SNX29: variants seen among roughly 807,000 people sequenced by gnomAD.
SNX29 encodes sorting nexin-29.
Under a neutral mutation model 102.1 loss-of-function variants are expected in SNX29, and 78 were observed. The observed-to-expected ratio is 0.76, with a 90% CI of 0.64 to 0.92. The LOEUF is 0.92. SNX29 is among the 40% of genes least tolerant of loss of function. The pLI is 0.00. For synonymous variants in SNX29, 580 were observed against 414.5 expected, an observed-to-expected ratio of 1.40 and a Z score of -4.85; for missense variants, 1,280 against 1,061.7, an observed-to-expected ratio of 1.21 and a Z score of -2.86.
chr16:12,003,019 A>G lies in SNX29; in HGVS notation c.98A>G (p.Glu33Gly), dbSNP rs1286848419. The G allele has an allele frequency of 1.2e-6, 2 of 1,614,050 alleles. No homozygotes were observed. Among genetic ancestry groups the G allele is most frequent in the African/African-American group, 2.7e-5 (2 of 74,920 alleles). ...QCQIRFGGRK[E>G]IASDSDSRVT... The stretch of plus-strand genomic sequence containing the variant: ...CAGATCCGCTTTGGAGGGAGAAAGG[A>G]GATTGCCTCGGATTCCGACAGCAGG... Residue 33 changes from glutamate to glycine, a missense_variant, in exon 3 of 21, where the codon GAG becomes GGG. By Grantham distance (98) the Glu-to-Gly change is moderately conservative. Transcript: ENST00000566228.
At chr16:12,500,254 T>C (rs2089049252) in intron 19 of SNX29, among the ~76,000 whole-genome samples, 1 of 152,172 alleles carries the variant, frequency 6.6e-6, no homozygotes, top group Non-Finnish European at 1.5e-5. Context: ...TGCCTCAGTC[T>C]CCCAAAGTGC....
At chr16:12,553,598 C>G (rs141727172) in intron 20 of SNX29, among the ~76,000 whole-genome samples, 2 of 121,174 alleles carry the variant, frequency 1.7e-5, no homozygotes, top group Admixed American at 1.9e-4. Flanking sequence ...TCCCCACCCC[C>G]CACCCCTGCA....
chr16:12,543,894 C>G (rs142545963), intron 20 of SNX29, among the ~76,000 whole-genome samples: 7 of 152,298 alleles, frequency 4.6e-5, no homozygotes, highest in Admixed American at 2.0e-4. Context: ...CTTGCGTATT[C>G]CTTCATCCTG....
chr16:12,522,616 A>G (rs117661505), intron 19 of SNX29, among the ~76,000 whole-genome samples: 2,290 of 152,064 alleles, frequency 0.015, 56 homozygotes, highest in East Asian at 0.099. Flanking sequence ...GTTTAAAAGT[A>G]TGTGGCACCT....
chr16:12,321,398 C>T (rs964061214), intron 15 of SNX29, among the ~76,000 whole-genome samples: 1 of 152,202 alleles, frequency 6.6e-6, no homozygotes, highest in South Asian at 2.1e-4. Context: ...GAATTTAGCC[C>T]CCACACTTCC....
chr16:12,403,993 C>G (rs1360515108), intron 18 of SNX29, among the ~76,000 whole-genome samples: 1 of 152,170 alleles, frequency 6.6e-6, no homozygotes, highest in East Asian at 1.9e-4. Flanking sequence ...GCGGGTCTCA[C>G]TGGTGTGTCC....
chr16:12,222,914 C>A (rs146834875), intron 14 of SNX29, among the ~76,000 whole-genome samples: 53 of 152,292 alleles, frequency 3.5e-4, no homozygotes, highest in African/African-American at 1.2e-3. Context: ...CCCTTTGAGG[C>A]CACAGGTGTA....
chr16:12,426,236 C>T (rs1414591872), intron 18 of SNX29, among the ~76,000 whole-genome samples: 2 of 152,182 alleles, frequency 1.3e-5, no homozygotes, highest in South Asian at 2.1e-4. Context: ...TCATGCCACA[C>T]ATCCATCATG....
At chr16:12,104,155 C>A (rs1387705078) in intron 11 of SNX29, among the ~76,000 whole-genome samples, 1 of 152,158 alleles carries the variant, frequency 6.6e-6, no homozygotes, top group Non-Finnish European at 1.5e-5. Flanking sequence ...GTTTGAAAAT[C>A]AAGGCATAGT....
chr16:12,567,249 C>T (rs568346489), intron 20 of SNX29, among the ~76,000 whole-genome samples: 1 of 152,168 alleles, frequency 6.6e-6, no homozygotes, highest in African/African-American at 2.4e-5. Flanking sequence ...GGACACAGTC[C>T]TGTCTTCCCT....
At chr16:12,525,697 C>G (rs7198677) in intron 20 of SNX29, among the ~76,000 whole-genome samples, 2 of 108,120 alleles carry the variant, frequency 1.8e-5, no homozygotes, top group African/African-American at 7.9e-5. Flanking sequence ...ACGCCCCCCC[C>G]ACCCCCCCCC....
At chr16:12,408,858 G>C (rs2084280399) in intron 18 of SNX29, among the ~76,000 whole-genome samples, 1 of 152,174 alleles carries the variant, frequency 6.6e-6, no homozygotes, top group Non-Finnish European at 1.5e-5. Context: ...AGAAATTAAG[G>C]TAATTCCCCT....
intron 20 of SNX29, chr16:12,561,255 C>A (rs780428915): frequency 2.0e-4 from 46 of 230,184 alleles, no homozygotes; most frequent in Admixed American, 9.6e-4. Flanking sequence ...CCCTCCCACT[C>A]CACAGATCCA....
At chr16:12,211,383 G>A (rs1727518966) in intron 14 of SNX29, among the ~76,000 whole-genome samples, 3 of 152,228 alleles carry the variant, frequency 2.0e-5, no homozygotes, top group South Asian at 2.1e-4. Flanking sequence ...TTGGGTACCT[G>A]TAACGTGCTG....
chr16:11,978,124 G>C (rs1376665136), intron 1 of SNX29, among the ~76,000 whole-genome samples: 1 of 152,086 alleles, frequency 6.6e-6, no homozygotes, highest in Non-Finnish European at 1.5e-5. Context: ...TTATTCAAGG[G>C]CAAGATTTGT....
At chr16:11,982,700 A>G (rs151007120) in intron 1 of SNX29, among the ~76,000 whole-genome samples, 35 of 152,192 alleles carry the variant, frequency 2.3e-4, no homozygotes, top group African/African-American at 8.2e-4. Flanking sequence ...AAGTGCTGGG[A>G]TCACAGGCGT....
intron 14 of SNX29, among the ~76,000 whole-genome samples, chr16:12,214,597 G>A (rs536014084): frequency 1.3e-5 from 2 of 152,058 alleles, no homozygotes; most frequent in South Asian, 2.1e-4. Flanking sequence ...AGACTGAATG[G>A]AAGAATCGAT....
chr16:12,237,325 T>G (rs1277267903), intron 14 of SNX29, among the ~76,000 whole-genome samples: 3 of 152,246 alleles, frequency 2.0e-5, no homozygotes, highest in African/African-American at 7.2e-5. Context: ...TGGGGAGCTG[T>G]GCCTCTGTCT....
intron 20 of SNX29, among the ~76,000 whole-genome samples, chr16:12,530,155 C>T (rs1439179720): frequency 2.0e-5 from 3 of 152,202 alleles, no homozygotes; most frequent in African/African-American, 4.8e-5. Context: ...GAGTTTGAGA[C>T]CCCTGGTAGC....
Sources: allele counts gnomAD v4.1 joint callset (sites outside exome capture counted in the v4.1 genomes callset), GRCh38; gene constraint gnomAD v4.1.1; transcripts MANE v1.5; gene names NCBI Gene and HGNC (gene_info 2026-07-23, HGNC 2026-07-21).